MYCBP2: variants seen among roughly 807,000 people sequenced by gnomAD.
The protein encoded by MYCBP2 is MYC binding protein 2.
MYCBP2 carries 120 observed loss-of-function variants against 525.3 expected under a neutral mutation model. The ratio of observed to expected loss-of-function variants is 0.23; its 90% confidence interval spans 0.20 to 0.27. MYCBP2 has a LOEUF of 0.27. MYCBP2 is among the 10% of genes least tolerant of loss of function. The pLI, the probability that MYCBP2 is intolerant of heterozygous loss-of-function variation, is 1.00. For missense variants in MYCBP2, 4,149 were observed against 5,657.1 expected (o/e 0.73, Z 8.55); for synonymous variants, 1,894 against 1,955.8 (o/e 0.97, Z 0.83).
chr13:77,188,221 G>A (rs1200071760), intron 30 of MYCBP2, among the ~76,000 whole-genome samples: 4 of 152,026 alleles, frequency 2.6e-5, no homozygotes, highest in African/African-American at 9.7e-5. Context: ...ATATTCACTT[G>A]GTGGGTTGAA....
chr13:77,109,892 C>T (rs2048497584), intron 55 of MYCBP2: 1 of 152,136 alleles, frequency 6.6e-6, no homozygotes, highest in Non-Finnish European at 1.5e-5. Flanking sequence ...TTATCAGTTC[C>T]CAAATAATAC....
intron 28 of MYCBP2, among the ~76,000 whole-genome samples, chr13:77,191,382 C>T (rs1322291657): frequency 6.6e-6 from 1 of 152,072 alleles, no homozygotes; most frequent in Non-Finnish European, 1.5e-5. Context: ...CCTCATTTTC[C>T]TTGTCACCTT....
intron 80 of MYCBP2, among the ~76,000 whole-genome samples, chr13:77,052,475 T>C (rs1198377060): frequency 1.3e-5 from 2 of 152,248 alleles, no homozygotes; most frequent in Admixed American, 1.3e-4. Flanking sequence ...CTGGGATTAT[T>C]GGCATGAGCC....
intron 79 of MYCBP2, among the ~76,000 whole-genome samples, chr13:77,056,560 A>C (rs1310192754): frequency 6.6e-6 from 1 of 152,206 alleles, no homozygotes; most frequent in African/African-American, 2.4e-5. Flanking sequence ...TGTTTTAACT[A>C]AGCTCTAAAA....
At chr13:77,177,618 A>T (rs2059836987) in intron 35 of MYCBP2, 130 bp downstream of exon 35, 1 of 763,732 alleles carries the variant, frequency 1.3e-6, no homozygotes, top group African/African-American at 1.7e-5. Context: ...CACTGTGGCC[A>T]GTCTTTTTCA....
chr13:77,180,916 T>A (rs1214273243), intron 33 of MYCBP2, among the ~76,000 whole-genome samples: 1 of 152,204 alleles, frequency 6.6e-6, no homozygotes, highest in Non-Finnish European at 1.5e-5. Flanking sequence ...TGAGCTAGTC[T>A]TAAAAAACAA....
intron 71 of MYCBP2, among the ~76,000 whole-genome samples, chr13:77,066,605 C>T (rs2040246524): frequency 6.6e-6 from 1 of 152,226 alleles, no homozygotes; most frequent in African/African-American, 2.4e-5. Context: ...TGCATATATA[C>T]CTTGGTGCAA....
In MYCBP2 at chr13:77,168,495, G is replaced by A. The variant is rs953914454; in HGVS notation, c.6047C>T (p.Thr2016Ile). The change falls in exon 40 of 83, where the codon ACC becomes ATC. Residue 2016 changes from threonine (T) to isoleucine (I), a missense_variant. Thr to Ile is a moderately conservative substitution (Grantham distance 89). Around this residue, in one of 21 missense-constraint regions of MYCBP2, gnomAD observed 692 missense variants for 852.7 expected, o/e 0.81. Coordinates refer to ENST00000544440, the MANE Select transcript of MYCBP2 (RefSeq NM_015057.5). ...QPEQGLSACT[T>I]SSHYAVIESE... is the part of the protein sequence containing the mutation. ...CTCTATGACAGCATAGTGACTGGAG[G>A]TTGTACAAGCAGAGAGGCCCTGTTC... 1 of 1,614,078 alleles carries A rather than the reference G, an allele frequency of 6.2e-7. No homozygotes were observed. Among genetic ancestry groups the A allele is most frequent in the African/African-American group, 1.3e-5 (1 of 74,992 alleles).
At chr13:77,178,221 C>T (rs2059896922) in intron 34 of MYCBP2, among the ~76,000 whole-genome samples, 1 of 152,142 alleles carries the variant, frequency 6.6e-6, no homozygotes, top group Non-Finnish European at 1.5e-5. Flanking sequence ...GAAGTACAAG[C>T]TTGTCTTATC....
At position 77,144,431 on chromosome 13, in the gene MYCBP2, TTTAAA is replaced by T; in HGVS notation, c.7303+9_7303+13del. ...TTTGAAGTAAGTAGTAGCTCATGGC[TTTAAA>T]GAAAATACCGATTTCAATGCCATCA... On this transcript the variant is annotated intron_variant, in intron 49 of 82. Coordinates refer to ENST00000544440, the MANE Select transcript of MYCBP2 (RefSeq NM_015057.5). 1 of 1,567,258 alleles carries T rather than the reference TTTAAA, an allele frequency of 6.4e-7. No individual in the cohort carries two copies. The highest frequency in any genetic ancestry group is 2.2e-5 in the East Asian group (1 of 44,640).
intron 27 of MYCBP2, among the ~76,000 whole-genome samples, chr13:77,193,052 C>A (rs1220269163): frequency 6.6e-6 from 1 of 152,040 alleles, no homozygotes; most frequent in African/African-American, 2.4e-5. Flanking sequence ...TCGCTTAAAT[C>A]CGGGAGGCAG....
chr13:77,146,607 T>A (rs545624652), intron 47 of MYCBP2, among the ~76,000 whole-genome samples: 1 of 151,960 alleles, frequency 6.6e-6, no homozygotes, highest in African/African-American at 2.4e-5. Flanking sequence ...ACAAAAGAGA[T>A]AAACAACAAC....
intron 34 of MYCBP2, 139 bp from the exon 35 acceptor site, chr13:77,178,093 G>A: frequency 1.6e-6 from 1 of 619,706 alleles, no homozygotes; most frequent in Non-Finnish European, 2.9e-6. Context: ...TCTACTGAGA[G>A]ATTAACTCAC....
chr13:77,176,480 C>T lies in MYCBP2; in HGVS notation c.5472+17G>A. Reference sequence around the variant, plus strand: ...TAATACCTCTTATTCACAATAGAAACATTCAGTTGAAACTACCTTTAAAGG... The same window carrying T: ...TAATACCTCTTATTCACAATAGAAATATTCAGTTGAAACTACCTTTAAAGG... On this transcript the variant is annotated intron_variant, in intron 36 of 82. Coordinates refer to ENST00000544440, the MANE Select transcript of MYCBP2 (RefSeq NM_015057.5). 6.4e-7 allele frequency: 1 copy of T among 1,568,340 alleles called. No individual in the cohort carries two copies.
chr13:77,258,169 T>C (rs2072578723), intron 13 of MYCBP2, among the ~76,000 whole-genome samples: 1 of 152,190 alleles, frequency 6.6e-6, no homozygotes, highest in African/African-American at 2.4e-5. Context: ...CCATAAATAA[T>C]TTATTTTACC....
intron 1 of MYCBP2, among the ~76,000 whole-genome samples, chr13:77,297,768 T>C (rs781010335): frequency 5.3e-5 from 8 of 152,200 alleles, no homozygotes; most frequent in Non-Finnish European, 1.2e-4. Context: ...GACATTGCCT[T>C]CAGTTTCACT....
At chr13:77,280,627 G>A (rs944810096) in intron 3 of MYCBP2, among the ~76,000 whole-genome samples, 3 of 152,154 alleles carry the variant, frequency 2.0e-5, no homozygotes, top group South Asian at 2.1e-4. Flanking sequence ...CGGTGACAAC[G>A]GAATTATTGA....
intron 1 of MYCBP2, among the ~76,000 whole-genome samples, chr13:77,308,220 C>T (rs1274920804): frequency 1.3e-5 from 2 of 152,176 alleles, no homozygotes; most frequent in East Asian, 3.8e-4. Context: ...ATCTATTTAA[C>T]CAATAAAATA....
rs775702302 is a variant in MYCBP2, at chr13:77,106,391, T to C, written c.8141-7378A>G. On this transcript the variant is annotated intron_variant, in intron 55 of 82. Coordinates refer to ENST00000544440, the MANE Select transcript of MYCBP2 (RefSeq NM_015057.5). Reference sequence around the variant, plus strand: ...CATTCAATAACAATTTGCTAAATTATTGGCAGGCAATGTTCAAAGAATTGT... The same window carrying C: ...CATTCAATAACAATTTGCTAAATTACTGGCAGGCAATGTTCAAAGAATTGT... Among the ~76,000 whole-genome samples, 65 of 152,144 alleles carry C rather than the reference T, an allele frequency of 4.3e-4. 1 individual carries two copies. Among genetic ancestry groups the C allele is most frequent in the Non-Finnish European group, 3.8e-4 (26 of 68,020 alleles).
Sources: gnomAD v4.1 joint callset for allele counts (sites outside exome capture counted in the v4.1 genomes callset) on GRCh38, gnomAD v4.1.1 for gene constraint, gnomAD v4.1.1 regional missense constraint, MANE v1.5 for transcripts, NCBI Gene and HGNC (gene_info 2026-07-23, HGNC 2026-07-21) for gene names.